The following FAM50B variants were observed in gnomAD, a reference collection of about 807,000 sequenced individuals.
The protein encoded by FAM50B is family with sequence similarity 50 member B.
A neutral mutation model predicts 25.4 loss-of-function variants in FAM50B; 9 were observed. The ratio of observed to expected loss-of-function variants is 0.35; its 90% CI spans 0.21 to 0.62. The LOEUF (loss-of-function observed/expected upper bound fraction) is 0.62. Among genes scored for constraint, FAM50B ranks in the 20% least tolerant of loss-of-function variants. FAM50B has a pLI of 0.73. For missense variants in FAM50B, 372 were observed against 477.9 expected, an observed-to-expected ratio of 0.78 and a Z score of 2.07; for synonymous variants, 212 against 204.3, an observed-to-expected ratio of 1.04 and a Z score of -0.32.
the FAM50B span, among the ~76,000 whole-genome samples, chr6:3,837,936 C>A: frequency 6.6e-6 from 1 of 152,186 alleles, no homozygotes; most frequent in Non-Finnish European, 1.5e-5. Flanking sequence ...CTCAACATTG[C>A]CACACTGGGG....
rs1762203643 is a variant in FAM50B at position 3,850,600 on chromosome 6, G to T, written c.789G>T (p.Gly263=). ...TCGCCAGGGCGAGGGGCAAGAGCGG[G>T]CCGCTCTTCAGCTTCGATGTGCACG... ...FIIARARGKS[G]PLFSFDVHDD... is the part of the protein sequence containing the mutation. The change falls in exon 2 of 2, where the codon GGG becomes GGT. Residue 263 remains glycine (G), a synonymous_variant. Transcript: ENST00000648326. 1 of 1,613,996 alleles carries T rather than the reference G, an allele frequency of 6.2e-7. No individual in the cohort carries two copies. The highest frequency in any genetic ancestry group is 1.3e-5 in the African/African-American group (1 of 74,946).
the FAM50B span, among the ~76,000 whole-genome samples, chr6:3,835,085 G>A: frequency 2.6e-5 from 4 of 152,192 alleles, no homozygotes; most frequent in East Asian, 1.9e-4. Context: ...GGTAGAATGC[G>A]TTCCTCTTGC....
chr6:3,842,504 T>G, the FAM50B span, among the ~76,000 whole-genome samples: 1 of 152,220 alleles, frequency 6.6e-6, no homozygotes, highest in South Asian at 2.1e-4. Flanking sequence ...CATACTCTTT[T>G]CTATGTAGGC....
rs370681792 is a variant in FAM50B, at chr6:3,850,062, G to A, written c.251G>A (p.Arg84His). ...KARQEALVRERERQLAKRQHL... is the reference protein window; with the variant it reads ...KARQEALVREHERQLAKRQHL... The stretch of plus-strand genomic sequence containing the variant: ...CGGCAGGAGGCCCTGGTCAGGGAGC[G>A]CGAGCGGCAGCTGGCCAAGCGCCAG... Residue 84 changes from arginine (R) to histidine (H), a missense_variant, in exon 2 of 2, where the codon CGC becomes CAC. Physicochemically the swap from Arg to His is conservative, Grantham distance 29. Coordinates refer to ENST00000648326, the MANE Select transcript of FAM50B (RefSeq NM_012135.3). 5 of 1,611,092 alleles carry A rather than the reference G, an allele frequency of 3.1e-6. No individual in the cohort carries two copies. Among genetic ancestry groups the A allele is most frequent in the Non-Finnish European group, 4.2e-6 (5 of 1,178,984 alleles).
rs1561775513 is a variant in FAM50B at position 3,850,121 on chromosome 6, C to CAGCGGG, written c.314_319dup (p.Arg105_Glu106dup). 1 of 1,609,642 alleles carries CAGCGGG rather than the reference C, an allele frequency of 6.2e-7. No individual in the cohort carries two copies. Among genetic ancestry groups the CAGCGGG allele is most frequent in the Non-Finnish European group, 8.5e-7 (1 of 1,178,674 alleles). ...GGAGCAGCGGCTGCAGCAGGAGCGG[C>CAGCGGG]AGCGGGAGCAGGAGCAGCGGCGCGA... On this transcript the variant is annotated inframe_insertion, in exon 2 of 2. Transcript: ENST00000648326.
At position 3,850,856 on chromosome 6, in the gene FAM50B, C is replaced by T. The variant is rs757827580; in HGVS notation, c.*67C>T. On this transcript the variant is annotated 3_prime_UTR_variant, in exon 2 of 2. Transcript: ENST00000648326. ...CTCATTTCTAGGCCCCATCACCAGT[C>T]ACTTGATTTCGTGACCTTGATTTCT... 152 of 1,554,352 alleles carry T rather than the reference C, an allele frequency of 9.8e-5. No homozygotes were observed. Among genetic ancestry groups the T allele is most frequent in the Non-Finnish European group, 1.3e-4 (148 of 1,151,228 alleles).
Position 3,849,985 on chromosome 6 carries a change from C to T in FAM50B, c.174C>T (p.Ala58=), listed in dbSNP as rs145563282. Residue 58 remains alanine (A), a synonymous_variant, in exon 2 of 2, where the codon GCC becomes GCT. Transcript: ENST00000648326. ...RFSAHYDAVE[A]ELKSSTVGLV... ...CGGCGCATTACGACGCCGTGGAGGC[C>T]GAGCTGAAGTCCAGCACGGTGGGCC... The T allele has an allele frequency of 1.3e-4, 203 of 1,613,922 alleles. No individual in the cohort carries two copies. In the African/African-American group the frequency reaches 2.3e-3, roughly 18 times the overall value.
At chr6:3,841,460 T>G in the FAM50B span, among the ~76,000 whole-genome samples, 2 of 152,172 alleles carry the variant, frequency 1.3e-5, no homozygotes, top group South Asian at 4.2e-4. Flanking sequence ...CATAGAGGGG[T>G]GTTCTCTACA....
At chr6:3,843,448 T>C in the FAM50B span, among the ~76,000 whole-genome samples, 1 of 152,258 alleles carries the variant, frequency 6.6e-6, no homozygotes, top group African/African-American at 2.4e-5. Flanking sequence ...TGTATTACTT[T>C]GATACAAATG....
At chr6:3,840,409 G>GT in the FAM50B span, among the ~76,000 whole-genome samples, 15 of 151,930 alleles carry the variant, frequency 9.9e-5, no homozygotes, top group African/African-American at 3.6e-4. Flanking sequence ...AGAGGCGGAG[G>GT]TTGCAGTGAG....
chr6:3,850,472 C>T lies in FAM50B; in HGVS notation c.661C>T (p.Arg221Cys). The T allele has an allele frequency of 1.2e-6, 2 of 1,613,506 alleles. No homozygotes were observed. Among genetic ancestry groups the T allele is most frequent in the South Asian group, 1.1e-5 (1 of 91,088 alleles). Residue 221 changes from arginine (R) to cysteine (C), a missense_variant, in exon 2 of 2, where the codon CGC (arginine) becomes TGC (cysteine). By Grantham distance (180) the Arg-to-Cys change is radical. This residue lies in a region of FAM50B where 224 missense variants were observed against 232.2 expected (regional missense o/e 0.96). Coordinates refer to ENST00000648326, the MANE Select transcript of FAM50B (RefSeq NM_012135.3). The stretch of plus-strand genomic sequence containing the variant: ...CCTGAAGAAGGCGCTGCAGGGGCTG[C>T]GCAAGGACTTCCTGGAGCTGCGCTC... ...QFLKKALQGLRKDFLELRSAG... is the reference protein window; with the variant it reads ...QFLKKALQGLCKDFLELRSAG...
the FAM50B span, among the ~76,000 whole-genome samples, chr6:3,838,711 G>A: frequency 6.6e-6 from 1 of 151,574 alleles, no homozygotes; most frequent in Admixed American, 6.6e-5. Context: ...CATGGTGTTG[G>A]GCACCTGTAA....
chr6:3,835,966 GA>G, the FAM50B span, among the ~76,000 whole-genome samples: 1 of 152,284 alleles, frequency 6.6e-6, no homozygotes, highest in South Asian at 2.1e-4. Flanking sequence ...TCAAAATAGA[GA>G]ATTGAAAGTG....
At chr6:3,846,046 C>T (rs1440842182), upstream of FAM50B, among the ~76,000 whole-genome samples, 3 of 152,030 alleles carry the variant, frequency 2.0e-5, no homozygotes, top group African/African-American at 7.2e-5. Context: ...TATTCAGGCG[C>T]AGTGAAAAAG....
Position 3,850,612 on chromosome 6 carries a change from C to T in FAM50B, c.801C>T (p.Ser267=), listed in dbSNP as rs1358265167. The T allele has an allele frequency of 1.2e-6, 2 of 1,614,052 alleles. No homozygotes were observed. The highest frequency in any genetic ancestry group is 1.7e-6 in the Non-Finnish European group (2 of 1,180,062). The change falls in exon 2 of 2, where the codon AGC becomes AGT. Residue 267 remains serine, a synonymous_variant. Coordinates refer to ENST00000648326, the MANE Select transcript of FAM50B (RefSeq NM_012135.3). ...GGGGCAAGAGCGGGCCGCTCTTCAG[C>T]TTCGATGTGCACGATGACGTGCGCC... is the stretch of plus-strand genomic sequence containing the variant. ...RARGKSGPLF[S]FDVHDDVRLL...
chr6:3,839,749 C>T, the FAM50B span, among the ~76,000 whole-genome samples: 10 of 152,220 alleles, frequency 6.6e-5, no homozygotes, highest in Non-Finnish European at 5.9e-5. Flanking sequence ...CATCCTCCCT[C>T]CCTCCCATAC....
the FAM50B span, among the ~76,000 whole-genome samples, chr6:3,844,232 G>A: frequency 6.6e-6 from 1 of 152,168 alleles, no homozygotes; most frequent in Non-Finnish European, 1.5e-5. Flanking sequence ...ACTAAGCCTG[G>A]AGGAGGGCAC....
Position 3,850,648 on chromosome 6 carries a change from C to T in FAM50B, c.837C>T (p.Asp279=), listed in dbSNP as rs145301744. 1.1e-4 allele frequency: 170 copies of T among 1,614,128 alleles called. No homozygotes were observed. In the African/African-American group the frequency reaches 1.9e-3, roughly 18 times the overall value. ...DVHDDVRLLS[D]ATMEKDESHA... ...ACGATGACGTGCGCCTGCTCAGCGA[C>T]GCCACCATGGAGAAGGACGAGTCGC... Residue 279 remains aspartate (D), a synonymous_variant, in exon 2 of 2, where the codon GAC becomes GAT. Coordinates refer to ENST00000648326, the MANE Select transcript of FAM50B (RefSeq NM_012135.3).
the FAM50B span, among the ~76,000 whole-genome samples, chr6:3,836,476 A>G: frequency 3.9e-5 from 6 of 152,220 alleles, no homozygotes; most frequent in Non-Finnish European, 8.8e-5. Flanking sequence ...ATCACTCACA[A>G]TAAGTTCTTC....
Sources: allele counts gnomAD v4.1 joint callset (sites outside exome capture counted in the v4.1 genomes callset), GRCh38; gene constraint gnomAD v4.1.1; regional missense constraint gnomAD v4.1.1; transcripts MANE v1.5; gene names NCBI Gene and HGNC (gene_info 2026-07-23, HGNC 2026-07-21).